Variants in UTP20 observed in about 807,000 individuals in gnomAD.
UTP20 encodes the protein small subunit processome component 20 homolog.
In UTP20, 164 loss-of-function variants were observed where a neutral mutation model predicts 329.5. The observed-to-expected ratio is 0.50, with a 90% CI of 0.44 to 0.57. The LOEUF is 0.57. Among genes scored for constraint, UTP20 ranks in the 20% least tolerant of loss-of-function variants. The pLI is 0.00. For missense variants in UTP20, 3,055 were observed against 3,284.2 expected, an observed-to-expected ratio of 0.93 and a Z score of 1.71; for synonymous variants, 1,151 against 1,159.3, an observed-to-expected ratio of 0.99 and a Z score of 0.14.
intron 21 of UTP20, among the ~76,000 whole-genome samples, chr12:101,315,399 G>A (rs1872941360): frequency 1.3e-5 from 2 of 151,590 alleles, no homozygotes; most frequent in East Asian, 2.0e-4. Context: ...CAGAAGAATC[G>A]CTTGAACCCA....
chr12:101,342,676 C>A, intron 33 of UTP20, 87 bp downstream of exon 33: 1 of 1,528,534 alleles, frequency 6.5e-7, no homozygotes, highest in Non-Finnish European at 8.9e-7. Flanking sequence ...TTTCTTCATG[C>A]CAGGGTGATG....
At chr12:101,298,637 G>A (rs1015891575) in intron 12 of UTP20, among the ~76,000 whole-genome samples, 1 of 151,976 alleles carries the variant, frequency 6.6e-6, no homozygotes, top group African/African-American at 2.4e-5. Context: ...GGAATGACGT[G>A]GCAACTAATG....
chr12:101,291,267 A>T (rs942706020), intron 8 of UTP20: 1 of 169,936 alleles, frequency 5.9e-6, no homozygotes, highest in Non-Finnish European at 1.2e-5. Flanking sequence ...TAAAAAACTT[A>T]GAATGGGCCG....
chr12:101,364,896 C>A (rs1296857880), intron 45 of UTP20, among the ~76,000 whole-genome samples: 1 of 152,108 alleles, frequency 6.6e-6, no homozygotes, highest in African/African-American at 2.4e-5. Flanking sequence ...AGAGTTAATA[C>A]CATGTCTCAT....
At chr12:101,302,070 A>G (rs1051424341) in intron 14 of UTP20, among the ~76,000 whole-genome samples, 2 of 152,156 alleles carry the variant, frequency 1.3e-5, no homozygotes, top group Non-Finnish European at 2.9e-5. Flanking sequence ...AGTTGGGACT[A>G]CAGGTGTGAA....
chr12:101,296,528 G>A (rs981207815), intron 12 of UTP20, among the ~76,000 whole-genome samples: 12 of 148,836 alleles, frequency 8.1e-5, no homozygotes, highest in African/African-American at 2.3e-4. Context: ...CCGAGATCAC[G>A]CCACTGCCCT....
intron 35 of UTP20, among the ~76,000 whole-genome samples, chr12:101,344,047 G>A (rs185674606): frequency 1.3e-5 from 2 of 152,106 alleles, no homozygotes; most frequent in African/African-American, 4.8e-5. Context: ...TCTCTTTGTG[G>A]CATTTTATAG....
At chr12:101,385,802 C>G in intron 61 of UTP20, 74 bp downstream of exon 61, 1 of 1,545,556 alleles carries the variant, frequency 6.5e-7, no homozygotes, top group Non-Finnish European at 8.7e-7. Context: ...TTGTGTCACA[C>G]TTACACTTAG....
At chr12:101,365,826 A>G (rs1870079385) in intron 46 of UTP20, among the ~76,000 whole-genome samples, 1 of 152,232 alleles carries the variant, frequency 6.6e-6, no homozygotes, top group African/African-American at 2.4e-5. Flanking sequence ...TTATTTTGGC[A>G]TTTCTCTGAT....
In UTP20 at chr12:101,291,808, A is replaced by C. The variant is rs148365055; in HGVS notation, c.958A>C (p.Lys320Gln). The change falls in exon 9 of 62, where the codon AAA becomes CAA. Residue 320 changes from lysine to glutamine, a missense_variant. Lys to Gln is a moderately conservative substitution (Grantham distance 53). Coordinates refer to ENST00000261637, the MANE Select transcript of UTP20 (RefSeq NM_014503.3). ...CTGTTGTGAAAGTTCTGAACAGATT[A>C]AAAGGTTGTTGGAAACATACCTTAT... ...TNCCESSEQIKRLLETYLILV... is the reference protein window; with the variant it reads ...TNCCESSEQIQRLLETYLILV... 30 of 1,613,492 alleles carry C rather than the reference A, an allele frequency of 1.9e-5. No individual in the cohort carries two copies. In the African/African-American group the frequency reaches 3.3e-4, roughly 18 times the overall value.
At chr12:101,293,708 T>C (rs1872247355) in intron 11 of UTP20, among the ~76,000 whole-genome samples, 1 of 152,214 alleles carries the variant, frequency 6.6e-6, no homozygotes, top group African/African-American at 2.4e-5. Flanking sequence ...CATATCTCTG[T>C]ATCTGTCCTC....
chr12:101,289,283 A>T (rs777945253), intron 6 of UTP20, among the ~76,000 whole-genome samples: 1 of 152,122 alleles, frequency 6.6e-6, no homozygotes, highest in Non-Finnish European at 1.5e-5. Context: ...AGGCTGAGAC[A>T]TGAGAATTGC....
chr12:101,357,714 A>G (rs1869769306), intron 43 of UTP20, among the ~76,000 whole-genome samples: 1 of 152,204 alleles, frequency 6.6e-6, no homozygotes. Context: ...TGATCATGCC[A>G]CAGAACTCCA....
At chr12:101,305,790 G>A (rs934306475) in intron 15 of UTP20, 125 bp from the exon 16 acceptor site, 76 of 1,132,898 alleles carry the variant, frequency 6.7e-5, no homozygotes, top group South Asian at 9.9e-5. Context: ...AGATATCCAC[G>A]TGAGACTTTT....
Position 101,383,560 on chromosome 12 carries a change from G to C in UTP20, c.7947G>C (p.Lys2649Asn). Residue 2649 changes from lysine to asparagine, a missense_variant, in exon 60 of 62, where the codon AAG (lysine) becomes AAC (asparagine). Lys to Asn is a moderately conservative substitution (Grantham distance 94, BLOSUM62 0). Transcript: ENST00000261637. The stretch of plus-strand genomic sequence containing the variant: ...ACTTTCAGAGAACATGCATCTTTAA[G>C]TTCCTCGGCGCCGTAGCAATGGATC... ...RNPLKRTCIF[K>N]FLGAVAMDLG... 1 of 1,613,002 alleles carries C rather than the reference G, an allele frequency of 6.2e-7. No homozygotes were observed. The highest frequency in any genetic ancestry group is 2.2e-5 in the East Asian group (1 of 44,870).
At chr12:101,344,048 C>A (rs748124909) in intron 35 of UTP20, among the ~76,000 whole-genome samples, 15 of 152,120 alleles carry the variant, frequency 9.9e-5, no homozygotes, top group East Asian at 1.9e-4. Context: ...CTCTTTGTGG[C>A]ATTTTATAGT....
chr12:101,327,143 G>A lies in UTP20; in HGVS notation c.3104G>A (p.Gly1035Asp). Reference protein sequence around the residue: ...GSKTQGKSASGTRMAIVLRFL... With the variant: ...GSKTQGKSASDTRMAIVLRFL... ...AAAACTCAGGGGAAATCTGCTTCAGGCACCCGCATGGCCATTGTCCTGCGG... is the reference window on the plus strand; with the variant it reads ...AAAACTCAGGGGAAATCTGCTTCAGACACCCGCATGGCCATTGTCCTGCGG... The change falls in exon 26 of 62, where the codon GGC becomes GAC. Residue 1035 changes from glycine to aspartate, a missense_variant. Gly to Asp is a moderately conservative substitution (Grantham distance 94). This residue lies in a region of UTP20 where 2,445 missense variants were observed against 2,575.5 expected (regional missense o/e 0.95). Transcript: ENST00000261637. 1 of 1,613,052 alleles carries A rather than the reference G, an allele frequency of 6.2e-7. No homozygotes were observed. Among genetic ancestry groups the A allele is most frequent in the South Asian group, 1.1e-5 (1 of 91,032 alleles).
At chr12:101,321,747 G>A in intron 25 of UTP20, 118 bp downstream of exon 25, 1 of 1,310,944 alleles carries the variant, frequency 7.6e-7, no homozygotes, top group Non-Finnish European at 1.0e-6. Context: ...ATTTTCTTTT[G>A]ATTGCATTTT....
intron 16 of UTP20, 87 bp downstream of exon 16, chr12:101,306,152 G>C: frequency 1.4e-6 from 2 of 1,402,874 alleles, no homozygotes; most frequent in African/African-American, 2.9e-5. Context: ...ATCTTAGTTA[G>C]AAAGTGTTGC....
Sources: allele counts gnomAD v4.1 joint callset (sites outside exome capture counted in the v4.1 genomes callset), GRCh38; gene constraint gnomAD v4.1.1; regional missense constraint gnomAD v4.1.1; transcripts MANE v1.5; gene names NCBI Gene and HGNC (gene_info 2026-07-23, HGNC 2026-07-21).